Variants in RBFOX1 observed in about 807,000 individuals in gnomAD.
RBFOX1 encodes RNA binding protein fox-1 homolog 1.
A neutral mutation model predicts 57.7 loss-of-function variants in RBFOX1; 8 were observed. That is an observed-to-expected ratio of 0.14 (90% confidence interval 0.08 to 0.25). The LOEUF (loss-of-function observed/expected upper bound fraction) is 0.25. Among genes scored for constraint, RBFOX1 ranks in the 10% least tolerant of loss-of-function variants. The probability of loss-of-function intolerance (pLI) is 1.00; values close to 1 mark genes in which losing one functional copy is unlikely to be tolerated. For missense variants in RBFOX1, 611 were observed against 548.5 expected, an observed-to-expected ratio of 1.11 and a Z score of -1.14; for synonymous variants, 326 against 222.4, an observed-to-expected ratio of 1.47 and a Z score of -4.15.
Position 6,506,624 on chromosome 16 carries a change from ATTTTTT to A in RBFOX1, c.-63-147943_-63-147938del, listed in dbSNP as rs71145238. The stretch of plus-strand genomic sequence containing the variant: ...ACGGTAATAACAATCACAGTAGCTA[ATTTTTT>A]TTTTTTTTTTTTTTTTTTTTTTTTT... On this transcript the variant is annotated intron_variant, in intron 2 of 15. Transcript: ENST00000550418. Among the ~76,000 whole-genome samples, 278 of 98,246 alleles carry A rather than the reference ATTTTTT, an allele frequency of 2.8e-3. 12 individuals are homozygous for A. The highest frequency in any genetic ancestry group is 9.1e-3 in the African/African-American group (208 of 22,786). The allele number at this position is 98,246 out of a possible 152,430, so 64.5% of individuals were successfully genotyped here.
At chr16:6,987,049 G>A (rs2090447295) in intron 3 of RBFOX1, among the ~76,000 whole-genome samples, 2 of 152,084 alleles carry the variant, frequency 1.3e-5, no homozygotes, top group African/African-American at 4.8e-5. Context: ...GCCTTGTGGA[G>A]AGCCTGCCCT....
intron 4 of RBFOX1, among the ~76,000 whole-genome samples, chr16:7,091,556 A>C (rs1273670815): frequency 6.6e-6 from 1 of 152,084 alleles, no homozygotes; most frequent in East Asian, 1.9e-4. Context: ...ACGAAAATGC[A>C]TCATTTTTTC....
At chr16:6,113,719 T>C (rs888757344) in intron 1 of RBFOX1, among the ~76,000 whole-genome samples, 3 of 152,206 alleles carry the variant, frequency 2.0e-5, no homozygotes, top group African/African-American at 7.2e-5. Context: ...TCACCCACAT[T>C]TGGAGTTATG....
At chr16:5,294,579 G>A (rs1439397523) in intron 1 of RBFOX1, among the ~76,000 whole-genome samples, 1 of 152,184 alleles carries the variant, frequency 6.6e-6, no homozygotes. Flanking sequence ...TGCCAAGTCA[G>A]AATCTTGTGG....
chr16:5,890,530 C>G (rs12324981), intron 4 of RBFOX1, among the ~76,000 whole-genome samples: 1 of 151,982 alleles, frequency 6.6e-6, no homozygotes, highest in East Asian at 1.9e-4. Context: ...AATTTTGTCT[C>G]TACTGAAAAT....
chr16:6,213,667 A>T (rs967303567), intron 1 of RBFOX1, among the ~76,000 whole-genome samples: 1 of 152,190 alleles, frequency 6.6e-6, no homozygotes, highest in African/African-American at 2.4e-5. Context: ...TAATAAAGAG[A>T]AGAAGAAATA....
intron 3 of RBFOX1, among the ~76,000 whole-genome samples, chr16:6,876,730 A>G (rs958307665): frequency 3.9e-5 from 6 of 152,180 alleles, no homozygotes; most frequent in Non-Finnish European, 8.8e-5. Flanking sequence ...GAGAGAACCC[A>G]TAGTCCCTGC....
intron 1 of RBFOX1, among the ~76,000 whole-genome samples, chr16:5,454,320 A>G (rs2068514904): frequency 6.6e-6 from 1 of 152,244 alleles, no homozygotes; most frequent in Non-Finnish European, 1.5e-5. Context: ...AGAGGCATAA[A>G]ACAACTATCT....
chr16:6,459,118 G>C (rs554169444), intron 2 of RBFOX1, among the ~76,000 whole-genome samples: 1 of 152,110 alleles, frequency 6.6e-6, no homozygotes, highest in Non-Finnish European at 1.5e-5. Flanking sequence ...GGTGGATCCC[G>C]AGGTCAGCAG....
rs1368462529 is a variant in RBFOX1, at chr16:6,355,642, A to G, written c.-64+38585A>G. Among the ~76,000 whole-genome samples, 3 of 152,208 alleles carry G rather than the reference A, an allele frequency of 2.0e-5. No individual in the cohort carries two copies. In the East Asian group the frequency reaches 5.8e-4, roughly 29 times the overall value. On this transcript the variant is annotated intron_variant, in intron 2 of 15. Coordinates refer to ENST00000550418, the MANE Select transcript of RBFOX1 (RefSeq NM_018723.4). ...TAGAATGATTTATAATCCTTTGAGTATATACCCAATAATGGGATTGCTGGG... is the reference window on the plus strand; with the variant it reads ...TAGAATGATTTATAATCCTTTGAGTGTATACCCAATAATGGGATTGCTGGG...
intron 2 of RBFOX1, among the ~76,000 whole-genome samples, chr16:6,582,105 A>G (rs894373995): frequency 6.6e-6 from 1 of 152,208 alleles, no homozygotes; most frequent in African/African-American, 2.4e-5. Flanking sequence ...TCAAAATGGC[A>G]ATAGCATTGA....
intron 1 of RBFOX1, among the ~76,000 whole-genome samples, chr16:5,251,469 C>G (rs2062451642): frequency 6.6e-6 from 1 of 152,114 alleles, no homozygotes; most frequent in African/African-American, 2.4e-5. Context: ...TAGTGCCGAG[C>G]CCAGAGCCAC....
chr16:6,020,079 C>T, intron 1 of RBFOX1, 87 bp downstream of exon 1: 7 of 1,317,754 alleles, frequency 5.3e-6, no homozygotes, highest in Non-Finnish European at 5.9e-6. Flanking sequence ...AGCGCTAGGT[C>T]CCCGAGAACT....
intron 11 of RBFOX1, among the ~76,000 whole-genome samples, chr16:7,647,482 C>T (rs562476235): frequency 7.9e-5 from 12 of 151,962 alleles, no homozygotes; most frequent in Non-Finnish European, 1.5e-4. Context: ...AATCAACCTG[C>T]GTCCTTTCCA....
At chr16:7,061,973 A>G (rs905758658) in intron 4 of RBFOX1, among the ~76,000 whole-genome samples, 4 of 152,140 alleles carry the variant, frequency 2.6e-5, no homozygotes, top group African/African-American at 9.7e-5. Flanking sequence ...GTAAGGAGCA[A>G]GAAACTCTCC....
intron 2 of RBFOX1, among the ~76,000 whole-genome samples, chr16:6,474,182 G>T (rs2095236584): frequency 6.6e-6 from 1 of 152,092 alleles, no homozygotes; most frequent in African/African-American, 2.4e-5. Flanking sequence ...GGAGGGAAAA[G>T]GATGGGGACA....
chr16:5,597,068 C>T (rs186559898), intron 2 of RBFOX1, among the ~76,000 whole-genome samples: 3 of 152,248 alleles, frequency 2.0e-5, no homozygotes, highest in Admixed American at 1.3e-4. Context: ...AGTTCAGAAA[C>T]GATGTACAGA....
intron 4 of RBFOX1, among the ~76,000 whole-genome samples, chr16:7,277,948 C>CAA (rs36027319): frequency 1.5e-5 from 2 of 134,464 alleles, no homozygotes; most frequent in African/African-American, 5.8e-5. Flanking sequence ...AAATGATTAG[C>CAA]AAAAAAAAAA....
chr16:6,358,332 A>C (rs1283524223), intron 2 of RBFOX1, among the ~76,000 whole-genome samples: 1 of 152,222 alleles, frequency 6.6e-6, no homozygotes, highest in Non-Finnish European at 1.5e-5. Context: ...TTAATATGTT[A>C]AGTGGTAACA....
Sources: gnomAD v4.1 joint callset for allele counts (sites outside exome capture counted in the v4.1 genomes callset) on GRCh38, gnomAD v4.1.1 for gene constraint, MANE v1.5 for transcripts, NCBI Gene and HGNC (gene_info 2026-07-23, HGNC 2026-07-21) for gene names.